The following MOGAT1 variants were observed in gnomAD, a reference collection of about 807,000 sequenced individuals.
The protein encoded by MOGAT1 is monoacylglycerol O-acyltransferase 1, also known as 2-acylglycerol O-acyltransferase 1.
MOGAT1 carries 32 observed loss-of-function variants against 31.4 expected under a neutral mutation model. The observed-to-expected ratio is 1.02, with a 90% CI of 0.77 to 1.37. The LOEUF is 1.37. Ranked by LOEUF, MOGAT1 falls within the 40% of genes most tolerant of loss-of-function variation. MOGAT1 has a pLI of 0.00. For missense variants in MOGAT1, 426 were observed against 402.0 expected (o/e 1.06, Z -0.51); for synonymous variants, 145 against 144.5 (o/e 1.00, Z -0.03).
chr2:222,696,159 T>C (rs1368698738), intron 5 of MOGAT1, among the ~76,000 whole-genome samples: 1 of 152,252 alleles, frequency 6.6e-6, no homozygotes, highest in African/African-American at 2.4e-5. Context: ...AATTTCCTTA[T>C]CCACTCAATG....
Position 222,689,369 on chromosome 2 carries a change from T to C in MOGAT1, c.378T>C (p.Tyr126=). The C allele has an allele frequency of 6.2e-7, 1 of 1,614,062 alleles. No homozygotes were observed. Among genetic ancestry groups the C allele is most frequent in the Non-Finnish European group, 8.5e-7 (1 of 1,179,900 alleles). ...VGAFGNFSVN[Y]SDFKDLFPGF... is the part of the protein sequence containing the mutation. ...CCTTTGGGAATTTTTCTGTAAATTA[T>C]TCTGACTTCAAGGACCTGTTTCCTG... The change falls in exon 3 of 6, where the codon TAT becomes TAC. Residue 126 remains tyrosine (Y), a synonymous_variant. Coordinates refer to ENST00000446656, the MANE Select transcript of MOGAT1 (RefSeq NM_058165.3).
rs543512528 is a variant in MOGAT1, at chr2:222,695,764, A to AT, written c.853+486dup. On this transcript the variant is annotated intron_variant, in intron 5 of 5. Coordinates refer to ENST00000446656, the MANE Select transcript of MOGAT1 (RefSeq NM_058165.3). ...TATTCTGCTATTCTGCTATAGACTT[A>AT]TTTTTTTTTTATTTCAGTAGGTTTT... Among the ~76,000 whole-genome samples, 1,075 of 149,354 alleles carry AT rather than the reference A, an allele frequency of 7.2e-3. 7 individuals carry two copies. The highest frequency in any genetic ancestry group is 0.033 in the South Asian group (154 of 4,708).
Position 222,688,447 on chromosome 2 carries a change from G to A in MOGAT1, c.198G>A (p.Glu66=), listed in dbSNP as rs1267239482. 6.2e-7 allele frequency: 1 copy of A among 1,613,728 alleles called. No homozygotes were observed. Residue 66 remains glutamate, a synonymous_variant, in exon 2 of 6, where the codon GAG becomes GAA. Transcript: ENST00000446656. ...TTTACTTTGACTGGCATACCCCAGA[G>A]CGAGGAGGCAGGAGATCCAGCTGGA... ...MWLYFDWHTP[E]RGGRRSSWIK... is the part of the protein sequence containing the mutation.
At chr2:222,677,346 C>T (rs557061941) in intron 1 of MOGAT1, among the ~76,000 whole-genome samples, 3 of 152,184 alleles carry the variant, frequency 2.0e-5, no homozygotes, top group East Asian at 3.9e-4. Flanking sequence ...TTTGGGAGGC[C>T]GAGGTGGGTG....
At chr2:222,691,404 T>C (rs1692758893) in intron 3 of MOGAT1, among the ~76,000 whole-genome samples, 1 of 151,788 alleles carries the variant, frequency 6.6e-6, no homozygotes, top group Non-Finnish European at 1.5e-5. Context: ...AAACGGGGTT[T>C]CACCATGTTA....
chr2:222,689,004 C>T (rs1370139589), intron 2 of MOGAT1, among the ~76,000 whole-genome samples: 3 of 152,134 alleles, frequency 2.0e-5, no homozygotes, highest in African/African-American at 2.4e-5. Flanking sequence ...ACATTCAAAC[C>T]ATAGCAGGGA....
At chr2:222,673,976 C>G (rs1370562429) in intron 1 of MOGAT1, among the ~76,000 whole-genome samples, 1 of 152,182 alleles carries the variant, frequency 6.6e-6, no homozygotes, top group Non-Finnish European at 1.5e-5. Context: ...GAATTATGCA[C>G]CCACCAGATC....
At chr2:222,701,535 G>A (rs1205530613) in intron 5 of MOGAT1, among the ~76,000 whole-genome samples, 1 of 70,382 alleles carries the variant, frequency 1.4e-5, no homozygotes, top group African/African-American at 7.7e-5. Flanking sequence ...GAAAGAAAGA[G>A]AAAGAAAAAA....
At chr2:222,675,725 T>C (rs1439413691) in intron 1 of MOGAT1, among the ~76,000 whole-genome samples, 2 of 152,128 alleles carry the variant, frequency 1.3e-5, no homozygotes, top group Admixed American at 1.3e-4. Flanking sequence ...GTGATCTGCC[T>C]GCCTCGGCCT....
intron 1 of MOGAT1, among the ~76,000 whole-genome samples, chr2:222,686,736 C>T (rs2106035702): frequency 6.6e-6 from 1 of 152,280 alleles, no homozygotes; most frequent in Admixed American, 6.5e-5. Context: ...CAACCTTTAA[C>T]CAACTCTGGA....
intron 1 of MOGAT1, among the ~76,000 whole-genome samples, chr2:222,680,975 G>C (rs976747351): frequency 5.3e-5 from 8 of 152,152 alleles, no homozygotes; most frequent in Admixed American, 1.3e-4. Context: ...TGAGTGGAAT[G>C]GAGTCAGAAA....
chr2:222,674,627 A>G (rs1030697438), intron 1 of MOGAT1, among the ~76,000 whole-genome samples: 3 of 152,162 alleles, frequency 2.0e-5, no homozygotes, highest in Non-Finnish European at 4.4e-5. Context: ...TGTAGGCCAC[A>G]GTGTCTGTTG....
At position 222,687,138 on chromosome 2, in the gene MOGAT1, AAGAAAGAACAAGAAAG is replaced by A. The variant is rs1559230131; in HGVS notation, c.95-1204_95-1189del. On this transcript the variant is annotated intron_variant, in intron 1 of 5. Transcript: ENST00000446656. ...CAAAAAAAAAAAAAAAAAAAAAAAA[AAGAAAGAACAAGAAAG>A]AAAGAAAAAATATATATAAATGTTG... Among the ~76,000 whole-genome samples the A allele has an allele frequency of 4.2e-4, 28 of 66,284 alleles. 1 individual carries two copies. Among genetic ancestry groups the A allele is most frequent in the East Asian group, 1.7e-3 (4 of 2,302 alleles). 43.5% of individuals were successfully genotyped at this position (66,284 alleles called of 152,430 possible).
intron 1 of MOGAT1, among the ~76,000 whole-genome samples, chr2:222,685,746 A>G (rs6757047): frequency 0.4 from 60,013 of 151,022 alleles, 13,329 homozygotes; most frequent in African/African-American, 0.62. Flanking sequence ...GATTACAGGC[A>G]CCCACCACCA....
intron 3 of MOGAT1, among the ~76,000 whole-genome samples, chr2:222,690,983 G>T (rs1692750947): frequency 6.6e-6 from 1 of 152,144 alleles, no homozygotes; most frequent in Non-Finnish European, 1.5e-5. Flanking sequence ...AAGCATTGCC[G>T]CAGTGAGTTT....
chr2:222,695,312 C>T, intron 5 of MOGAT1, 24 bp downstream of exon 5: 1 of 1,493,688 alleles, frequency 6.7e-7, no homozygotes, highest in Non-Finnish European at 9.2e-7. Flanking sequence ...ATAACTACAA[C>T]TATTAGCTTA....
intron 5 of MOGAT1, among the ~76,000 whole-genome samples, chr2:222,702,904 T>G (rs1692947408): frequency 6.7e-6 from 1 of 149,656 alleles, no homozygotes; most frequent in Non-Finnish European, 1.5e-5. Flanking sequence ...TTTAAAAAAA[T>G]AAAGAAAGGG....
intron 1 of MOGAT1, among the ~76,000 whole-genome samples, chr2:222,673,101 C>T (rs1481789509): frequency 1.3e-5 from 2 of 151,262 alleles, no homozygotes; most frequent in Non-Finnish European, 2.9e-5. Flanking sequence ...TTAGTAGAGA[C>T]GGGGTTTCTC....
intron 5 of MOGAT1, among the ~76,000 whole-genome samples, chr2:222,701,740 G>T (rs1692933515): frequency 6.6e-6 from 1 of 152,140 alleles, no homozygotes; most frequent in Non-Finnish European, 1.5e-5. Context: ...GGCGTGCCCT[G>T]ATGGCTTGTG....
Sources: gnomAD v4.1 joint callset for allele counts (sites outside exome capture counted in the v4.1 genomes callset) on GRCh38, gnomAD v4.1.1 for gene constraint, MANE v1.5 for transcripts, NCBI Gene and HGNC (gene_info 2026-07-23, HGNC 2026-07-21) for gene names.